Variants in PDE3B observed in about 807,000 individuals in gnomAD.
The protein encoded by PDE3B is phosphodiesterase 3B, also known as cGMP-inhibited 3',5'-cyclic phosphodiesterase 3B.
PDE3B carries 66 observed loss-of-function variants against 116.8 expected under a neutral mutation model. The observed-to-expected ratio is 0.56, with a 90% CI of 0.46 to 0.69. The LOEUF is 0.69. PDE3B is among the 30% of genes least tolerant of loss of function. The probability of loss-of-function intolerance (pLI) is 0.00; values close to 1 mark genes in which losing one functional copy is unlikely to be tolerated. For synonymous variants in PDE3B, 595 were observed against 533.6 expected (o/e 1.12, Z -1.59); for missense variants, 1,384 against 1,368.1 (o/e 1.01, Z -0.18).
intron 1 of PDE3B, among the ~76,000 whole-genome samples, chr11:14,765,221 A>G (rs1209855051): frequency 2.0e-5 from 3 of 152,014 alleles, no homozygotes; most frequent in Non-Finnish European, 4.4e-5. Context: ...CCGTACTATA[A>G]TAAGTATTCT....
intron 1 of PDE3B, among the ~76,000 whole-genome samples, chr11:14,747,631 C>T (rs1389185885): frequency 6.6e-6 from 1 of 151,994 alleles, no homozygotes; most frequent in East Asian, 1.9e-4. Flanking sequence ...AGAAGCATAT[C>T]GTGTGCATAA....
chr11:14,674,610 C>G (rs904998769), intron 1 of PDE3B: 1 of 306,414 alleles, frequency 3.3e-6, no homozygotes, highest in Non-Finnish European at 6.5e-6. Flanking sequence ...TAAAACTTTA[C>G]TAACTTTGAT....
intron 4 of PDE3B, among the ~76,000 whole-genome samples, chr11:14,803,022 C>T (rs912879612): frequency 1.3e-5 from 2 of 152,136 alleles, no homozygotes; most frequent in Non-Finnish European, 2.9e-5. Context: ...GGAAGTTAAT[C>T]TATAATGAAG....
At chr11:14,731,319 C>A (rs955493205) in intron 1 of PDE3B, among the ~76,000 whole-genome samples, 2 of 144,496 alleles carry the variant, frequency 1.4e-5, no homozygotes, top group Non-Finnish European at 1.5e-5. Context: ...AGTGCAGTGG[C>A]ACTATCTCGG....
chr11:14,728,722 CTA>C (rs1308314629), intron 1 of PDE3B, among the ~76,000 whole-genome samples: 5 of 151,994 alleles, frequency 3.3e-5, no homozygotes, highest in Admixed American at 1.3e-4. Context: ...GGTAATTATT[CTA>C]TGTCATAGCA....
intron 1 of PDE3B, among the ~76,000 whole-genome samples, chr11:14,649,195 T>C (rs1853495892): frequency 6.6e-6 from 1 of 152,152 alleles, no homozygotes; most frequent in South Asian, 2.1e-4. Flanking sequence ...TCATTCTTTC[T>C]CTTTTCCCTT....
chr11:14,849,890 G>T (rs1386815949), intron 12 of PDE3B, among the ~76,000 whole-genome samples: 2 of 151,568 alleles, frequency 1.3e-5, no homozygotes, highest in East Asian at 3.9e-4. Context: ...ACTGTTGGTG[G>T]GACTGTAAAC....
chr11:14,693,899 C>A (rs1855124368), intron 1 of PDE3B, among the ~76,000 whole-genome samples: 1 of 152,022 alleles, frequency 6.6e-6, no homozygotes, highest in Admixed American at 6.6e-5. Context: ...ATTGAAAAAC[C>A]TGGAAAGGAT....
Position 14,749,379 on chromosome 11 carries a change from A to G in PDE3B, c.979-22558A>G, listed in dbSNP as rs1856996666. Reference sequence around the variant, plus strand: ...GCAGGTACTGATCCAATGATGAGTAACTCTATACCTCTGAAGATAATACAT... The same window carrying G: ...GCAGGTACTGATCCAATGATGAGTAGCTCTATACCTCTGAAGATAATACAT... On this transcript the variant is annotated intron_variant, in intron 1 of 15. Coordinates refer to ENST00000282096, the MANE Select transcript of PDE3B (RefSeq NM_000922.4). Among the ~76,000 whole-genome samples, 3 of 152,066 alleles carry G rather than the reference A, an allele frequency of 2.0e-5. No homozygotes were observed. In the South Asian group the frequency reaches 6.2e-4, roughly 32 times the overall value.
At chr11:14,858,565 G>C (rs1247180266) in intron 12 of PDE3B, among the ~76,000 whole-genome samples, 1 of 152,140 alleles carries the variant, frequency 6.6e-6, no homozygotes, top group Non-Finnish European at 1.5e-5. Context: ...AGACAGGCAG[G>C]TCTCTTACTT....
At chr11:14,860,417 T>C (rs1555006924) in intron 13 of PDE3B, among the ~76,000 whole-genome samples, 1 of 152,070 alleles carries the variant, frequency 6.6e-6, no homozygotes, top group Non-Finnish European at 1.5e-5. Context: ...AAAGCAACCA[T>C]CACACTGAAG....
intron 1 of PDE3B, among the ~76,000 whole-genome samples, chr11:14,692,507 C>T (rs1855071451): frequency 6.6e-6 from 1 of 152,104 alleles, no homozygotes; most frequent in African/African-American, 2.4e-5. Context: ...TTTCTTACAG[C>T]ATATGCTCAC....
At chr11:14,735,384 C>T (rs1288221689) in intron 1 of PDE3B, among the ~76,000 whole-genome samples, 1 of 151,842 alleles carries the variant, frequency 6.6e-6, no homozygotes, top group Non-Finnish European at 1.5e-5. Context: ...TGAAGCAGGA[C>T]AATAGTGAAG....
chr11:14,874,015 A>G (rs1043553806), downstream of PDE3B, among the ~76,000 whole-genome samples: 2 of 152,248 alleles, frequency 1.3e-5, no homozygotes, highest in East Asian at 3.9e-4. Flanking sequence ...GGCTCTCAGT[A>G]TTAAGGTACT....
Position 14,832,775 on chromosome 11 carries a change from C to A in PDE3B, c.2148C>A (p.Pro716=). ...GTTTATTGGAAATATTTAAAATTCC[C>A]ACTCAACAATTTATGAACTATTTTC... ...DTGLLEIFKI[P]TQQFMNYFRA... Residue 716 remains proline (P), a synonymous_variant, in exon 10 of 16, where the codon CCC becomes CCA. Transcript: ENST00000282096. The A allele has an allele frequency of 6.5e-7, 1 of 1,536,378 alleles. No homozygotes were observed. The highest frequency in any genetic ancestry group is 8.9e-7 in the Non-Finnish European group (1 of 1,118,056).
chr11:14,673,346 A>G (rs1463187349), intron 1 of PDE3B, among the ~76,000 whole-genome samples: 1 of 151,672 alleles, frequency 6.6e-6, no homozygotes, highest in Non-Finnish European at 1.5e-5. Context: ...GCAGTAAAAC[A>G]CTCTACAGCA....
intron 1 of PDE3B, among the ~76,000 whole-genome samples, chr11:14,670,464 A>C (rs1565084259): frequency 6.6e-6 from 1 of 152,140 alleles, no homozygotes; most frequent in South Asian, 2.1e-4. Context: ...TCTTCATGAG[A>C]ACCTCCAGTA....
At chr11:14,694,237 T>C (rs1418258582) in intron 1 of PDE3B, among the ~76,000 whole-genome samples, 1 of 152,172 alleles carries the variant, frequency 6.6e-6, no homozygotes, top group Non-Finnish European at 1.5e-5. Context: ...ATGACAACAA[T>C]GGGTTTACAT....
At chr11:14,717,986 A>T (rs1353207396) in intron 1 of PDE3B, among the ~76,000 whole-genome samples, 3 of 148,846 alleles carry the variant, frequency 2.0e-5, no homozygotes, top group African/African-American at 7.4e-5. Flanking sequence ...AAGTTGGATA[A>T]AGAGTCAAGA....
Sources: allele counts gnomAD v4.1 joint callset (sites outside exome capture counted in the v4.1 genomes callset), GRCh38; gene constraint gnomAD v4.1.1; transcripts MANE v1.5; gene names NCBI Gene and HGNC (gene_info 2026-07-23, HGNC 2026-07-21).